Variants in PSMD8 observed in about 807,000 individuals in gnomAD.
The protein encoded by PSMD8 is proteasome 26S subunit, non-ATPase 8.
PSMD8 carries 30 observed loss-of-function variants against 40.0 expected under a neutral mutation model. The observed-to-expected ratio is 0.75, with a 90% CI of 0.56 to 1.02. The LOEUF (loss-of-function observed/expected upper bound fraction) is 1.02. Ranked by LOEUF, PSMD8 falls within the 50% of genes least tolerant of loss-of-function variation. The pLI is 0.00. For synonymous variants in PSMD8, 208 were observed against 192.5 expected, an observed-to-expected ratio of 1.08 and a Z score of -0.67; for missense variants, 461 against 463.9, an observed-to-expected ratio of 0.99 and a Z score of 0.06.
At chr19:38,381,990 G>T in intron 5 of PSMD8, 127 bp from the exon 6 acceptor site, 1 of 666,378 alleles carries the variant, frequency 1.5e-6, no homozygotes. Flanking sequence ...ATAAAACAGG[G>T]CCCTTCACAT....
At chr19:38,375,803 A>T (rs1970592892) in intron 1 of PSMD8, among the ~76,000 whole-genome samples, 1 of 152,070 alleles carries the variant, frequency 6.6e-6, no homozygotes, top group South Asian at 2.1e-4. Flanking sequence ...CCCCTCCCAG[A>T]TATAGATTTT....
At position 38,383,357 on chromosome 19, in the gene PSMD8, C is replaced by G. The variant is rs779319532; in HGVS notation, c.1020C>G (p.Ile340Met). The change falls in exon 7 of 7, where the codon ATC becomes ATG. Residue 340 changes from isoleucine to methionine, a missense_variant. By Grantham distance (10) the Ile-to-Met change is conservative. This residue lies in a region of PSMD8 where 236 missense variants were observed against 321.2 expected (regional missense o/e 0.73). Coordinates refer to ENST00000215071, the MANE Select transcript of PSMD8 (RefSeq NM_002812.5). The stretch of plus-strand genomic sequence containing the variant: ...CCACAGAACTGGCCAAACAGGTCAT[C>G]GAGTATGCCCGGCAGCTGGAGATGA... ...IPSTELAKQVIEYARQLEMIV is the reference protein window; with the variant it reads ...IPSTELAKQVMEYARQLEMIV 16 of 1,613,756 alleles carry G rather than the reference C, an allele frequency of 9.9e-6. No homozygotes were observed. Among genetic ancestry groups the G allele is most frequent in the African/African-American group, 8.0e-5 (6 of 74,882 alleles).
chr19:38,376,902 A>G (rs1970602624), intron 3 of PSMD8, among the ~76,000 whole-genome samples: 1 of 152,162 alleles, frequency 6.6e-6, no homozygotes, highest in African/African-American at 2.4e-5. Context: ...TGCTCATCCC[A>G]GCCCTTTCTC....
intron 1 of PSMD8, 139 bp from the exon 2 acceptor site, chr19:38,376,021 T>G (rs1970594661): frequency 1.2e-6 from 1 of 830,796 alleles, no homozygotes. Context: ...TCTGAGTGCT[T>G]TATGAGAAAG....
At chr19:38,375,089 A>G in intron 1 of PSMD8, 128 bp downstream of exon 1, 1 of 1,418,694 alleles carries the variant, frequency 7.0e-7, no homozygotes, top group Non-Finnish European at 9.3e-7. Context: ...GGGCTGGGGG[A>G]TCCGATGGGG....
intron 5 of PSMD8, 74 bp from the exon 6 acceptor site, chr19:38,382,043 A>G (rs1478863121): frequency 1.4e-5 from 14 of 1,034,582 alleles, no homozygotes; most frequent in African/African-American, 3.2e-5. Flanking sequence ...GAGCTGACAC[A>G]TGTCAGGTCT....
Position 38,374,850 on chromosome 19 carries a change from C to T in PSMD8, c.249C>T (p.Thr83=), listed in dbSNP as rs1406650746. 3 of 1,581,226 alleles carry T rather than the reference C, an allele frequency of 1.9e-6. No homozygotes were observed. The highest frequency in any genetic ancestry group is 1.7e-5 in the Admixed American group (1 of 57,328). The part of the protein sequence containing the change: ...AGFSSSGPAA[T]SGAVLQAATG... Reference sequence around the variant, plus strand: ...TCTCGAGCTCCGGGCCCGCGGCAACCTCGGGCGCTGTTCTGCAGGCCGCGA... The same window carrying T: ...TCTCGAGCTCCGGGCCCGCGGCAACTTCGGGCGCTGTTCTGCAGGCCGCGA... The change falls in exon 1 of 7, where the codon ACC becomes ACT. Residue 83 remains threonine (T), a synonymous_variant. Transcript: ENST00000215071.
intron 1 of PSMD8, among the ~76,000 whole-genome samples, 159 bp from the exon 2 acceptor site, chr19:38,376,001 C>T (rs1249958666): frequency 6.6e-6 from 1 of 152,212 alleles, no homozygotes; most frequent in Admixed American, 6.5e-5. Context: ...GTTGCGTGCT[C>T]AGGCCCTGTT....
intron 1 of PSMD8, chr19:38,375,355 C>T (rs1970589768): frequency 4.4e-6 from 1 of 229,804 alleles, no homozygotes; most frequent in South Asian, 4.7e-5. Flanking sequence ...AGACTTATGG[C>T]AGAACTGAGT....
In PSMD8 at chr19:38,381,012, G is replaced by C; in HGVS notation, c.803+13G>C. On this transcript the variant is annotated intron_variant, in intron 5 of 6. Coordinates refer to ENST00000215071, the MANE Select transcript of PSMD8 (RefSeq NM_002812.5). Reference sequence around the variant, plus strand: ...TCGACACTATCAGGTGCGTAGCGGGGCCGGGCCCTGTGGAGTTTGGAAAGA... The same window carrying C: ...TCGACACTATCAGGTGCGTAGCGGGCCCGGGCCCTGTGGAGTTTGGAAAGA... 1 of 1,540,124 alleles carries C rather than the reference G, an allele frequency of 6.5e-7. No individual in the cohort carries two copies. The highest frequency in any genetic ancestry group is 1.4e-5 in the African/African-American group (1 of 72,812).
chr19:38,377,142 A>T (rs1970604569), intron 3 of PSMD8, among the ~76,000 whole-genome samples: 1 of 152,330 alleles, frequency 6.6e-6, no homozygotes, highest in Admixed American at 6.5e-5. Context: ...TGGGCAAATG[A>T]CTTTACCTCT....
At position 38,374,839 on chromosome 19, in the gene PSMD8, C is replaced by G. The variant is rs780451385; in HGVS notation, c.238C>G (p.Pro80Ala). The G allele has an allele frequency of 3.2e-6, 5 of 1,574,734 alleles. No homozygotes were observed. Among genetic ancestry groups the G allele is most frequent in the Middle Eastern group, 1.7e-4 (1 of 5,870 alleles). The change falls in exon 1 of 7, where the codon CCC becomes GCC. Residue 80 changes from proline to alanine, a missense_variant. Around this residue, in one of 2 missense-constraint regions of PSMD8, gnomAD observed 225 missense variants for 142.7 expected, o/e 1.58. Transcript: ENST00000215071. ...GGCGGCAGGCTTCTCGAGCTCCGGG[C>G]CCGCGGCAACCTCGGGCGCTGTTCT... Reference protein sequence around the residue: ...NGAAGFSSSGPAATSGAVLQA... With the variant: ...NGAAGFSSSGAAATSGAVLQA...
At chr19:38,376,538 T>A in intron 3 of PSMD8, 84 bp downstream of exon 3, 1 of 1,206,370 alleles carries the variant, frequency 8.3e-7, no homozygotes, top group Non-Finnish European at 1.2e-6. Flanking sequence ...TTGGGTCCTC[T>A]TCCTTCATCT....
Position 38,376,145 on chromosome 19 carries a change from TCC to T in PSMD8, c.361-12_361-11del, listed in dbSNP as rs755983490. On this transcript the variant is annotated splice_polypyrimidine_tract_variant and intron_variant, in intron 1 of 6. Transcript: ENST00000215071. ...TCCCTTCTTTTCTTTCTTCCCTCCCTCCCCTCCCCATCAGCTAGTTCTTCTGG... is the reference window on the plus strand; with the variant it reads ...TCCCTTCTTTTCTTTCTTCCCTCCCTCCTCCCCATCAGCTAGTTCTTCTGG... 1 of 1,112,646 alleles carries T rather than the reference TCC, an allele frequency of 9.0e-7. No individual in the cohort carries two copies. Among genetic ancestry groups the T allele is most frequent in the East Asian group, 2.7e-5 (1 of 36,650 alleles). The allele number at this position is 1,112,646 out of a possible 1,614,324, so 68.9% of individuals were successfully genotyped here. A position where few individuals can be genotyped will look rare whatever the true frequency, so the allele number is the denominator to read the frequency against.
At position 38,376,528 on chromosome 19, in the gene PSMD8, T is replaced by C. The variant is rs182372806; in HGVS notation, c.536+74T>C. On this transcript the variant is annotated intron_variant, in intron 3 of 6. Transcript: ENST00000215071. ...CCTTTATTTCTGGAGCTCTGGCTGCTTGGGTCCTCTTCCTTCATCTGGGAA... is the reference window on the plus strand; with the variant it reads ...CCTTTATTTCTGGAGCTCTGGCTGCCTGGGTCCTCTTCCTTCATCTGGGAA... The C allele has an allele frequency of 2.4e-4, 313 of 1,284,588 alleles. 4 individuals carry two copies. In the East Asian group the frequency reaches 4.9e-3, roughly 20 times the overall value. 79.6% of individuals were successfully genotyped at this position (1,284,588 alleles called of 1,614,324 possible). A position where few individuals can be genotyped will look rare whatever the true frequency, so the allele number is the denominator to read the frequency against.
At chr19:38,375,124 G>T (rs1970587484) in intron 1 of PSMD8, 163 bp downstream of exon 1, 5 of 1,224,030 alleles carry the variant, frequency 4.1e-6, no homozygotes, top group Non-Finnish European at 4.4e-6. Flanking sequence ...CAGCCAAAGT[G>T]GGGGCTCGGA....
intron 4 of PSMD8, 60 bp from the exon 5 acceptor site, chr19:38,380,839 G>A (rs1970634548): frequency 2.2e-6 from 3 of 1,350,156 alleles, no homozygotes; most frequent in East Asian, 2.5e-5. Context: ...GCCCACACAG[G>A]TAGGCCCCTT....
intron 6 of PSMD8, chr19:38,382,461 A>G (rs779972398): frequency 1.0e-4 from 58 of 574,504 alleles, no homozygotes; most frequent in Non-Finnish European, 1.6e-4. Context: ...CGCTGCACGC[A>G]TGTTGGCTGC....
In PSMD8 at chr19:38,383,247, C is replaced by T; in HGVS notation, c.916-6C>T. On this transcript the variant is annotated splice_polypyrimidine_tract_variant and splice_region_variant and intron_variant, in intron 6 of 6. Transcript: ENST00000215071. ...CTACTCGTCTCTAATCCCTCCTTTCCTGCAGCGAGGGTGGGTCCTGGGCCC... is the reference window on the plus strand; with the variant it reads ...CTACTCGTCTCTAATCCCTCCTTTCTTGCAGCGAGGGTGGGTCCTGGGCCC... 6 of 1,612,456 alleles carry T rather than the reference C, an allele frequency of 3.7e-6. No homozygotes were observed. The highest frequency in any genetic ancestry group is 5.1e-6 in the Non-Finnish European group (6 of 1,179,888).
Sources: gnomAD v4.1 joint callset for allele counts (sites outside exome capture counted in the v4.1 genomes callset) on GRCh38, gnomAD v4.1.1 for gene constraint, gnomAD v4.1.1 regional missense constraint, MANE v1.5 for transcripts, NCBI Gene and HGNC (gene_info 2026-07-23, HGNC 2026-07-21) for gene names.